The following KCNC4 variants were observed in gnomAD, a reference collection of about 807,000 sequenced individuals.
KCNC4 encodes the protein potassium voltage-gated channel subfamily C member 4, also known as voltage-gated potassium channel KCNC4.
A neutral mutation model predicts 42.8 loss-of-function variants in KCNC4; 23 were observed. That is an observed-to-expected ratio of 0.54 (90% CI 0.39 to 0.76). KCNC4 has a LOEUF of 0.76. Among genes scored for constraint, KCNC4 ranks in the 30% least tolerant of loss-of-function variants. The probability of loss-of-function intolerance (pLI) is 0.00; values close to 1 mark genes in which losing one functional copy is unlikely to be tolerated. For missense variants in KCNC4, 751 were observed against 898.2 expected (o/e 0.84, Z 2.10); for synonymous variants, 422 against 393.5 (o/e 1.07, Z -0.86).
At chr1:110,281,832 C>T (rs959777701) in intron 1 of KCNC4, among the ~76,000 whole-genome samples, 1 of 152,216 alleles carries the variant, frequency 6.6e-6, no homozygotes, top group Non-Finnish European at 1.5e-5. Flanking sequence ...TCACTCAGAA[C>T]CCAGCCAGCC....
chr1:110,229,456 C>T (rs904406843), intron 3 of KCNC4, among the ~76,000 whole-genome samples: 5 of 152,150 alleles, frequency 3.3e-5, no homozygotes, highest in African/African-American at 1.2e-4. Flanking sequence ...ACCTGGTGTC[C>T]CTTCTGCGCC....
Position 110,211,425 on chromosome 1 carries a change from G to T in KCNC4, c.-75G>T. 6.6e-7 allele frequency: 1 copy of T among 1,504,272 alleles called. No homozygotes were observed. 93.2% of individuals were successfully genotyped at this position (1,504,272 alleles called of 1,614,324 possible). A position where few individuals can be genotyped will look rare whatever the true frequency, so the allele number is the denominator to read the frequency against. On this transcript the variant is annotated 5_prime_UTR_variant, in exon 1 of 4. Coordinates refer to ENST00000438661, the MANE Select transcript of KCNC4 (RefSeq NM_001039574.3). This position sits in a 1 kb window ranked among gnomAD's most constrained non-coding sequence, Gnocchi z 6.5. ...CCTCTTCGTCTCCTCCCCCTCCCCC[G>T]TCTGACGCTGCCTCCTCGGGAAGGG...
chr1:110,226,918 C>A (rs1014657983), intron 3 of KCNC4, among the ~76,000 whole-genome samples: 1 of 152,172 alleles, frequency 6.6e-6, no homozygotes, highest in Non-Finnish European at 1.5e-5. Context: ...GCTAGGGATT[C>A]CTGGCCTCGG....
Position 110,223,062 on chromosome 1 carries a change from G to C in KCNC4, c.777G>C (p.Glu259Asp), listed in dbSNP as rs1404368604. 11 of 1,614,194 alleles carry C rather than the reference G, an allele frequency of 6.8e-6. No individual in the cohort carries two copies. Among genetic ancestry groups the C allele is most frequent in the Non-Finnish European group, 9.3e-6 (11 of 1,180,038 alleles). Reference sequence around the variant, plus strand: ...TTAATATCGACCGCAACGTGACAGAGATCCTCCGCGTAGGGAACATCACCA... The same window carrying C: ...TTAATATCGACCGCAACGTGACAGACATCCTCCGCGTAGGGAACATCACCA... ...EAFNIDRNVT[E>D]ILRVGNITSV... Residue 259 changes from glutamate to aspartate, a missense_variant, in exon 2 of 4, where the codon GAG becomes GAC. Physicochemically the swap from Glu to Asp is conservative, Grantham distance 45 (BLOSUM62 2). Coordinates refer to ENST00000438661, the MANE Select transcript of KCNC4 (RefSeq NM_001039574.3). The surrounding 1 kb of genome is among the most constrained non-coding windows in gnomAD (Gnocchi z 7.5).
chr1:110,238,680 G>A (rs2603591), downstream of KCNC4: 55,321 of 151,962 alleles, frequency 0.36, 10,218 homozygotes, highest in South Asian at 0.46. Context: ...ATGCCGAGCT[G>A]TGATCCCACC....
Position 110,210,753 on chromosome 1 carries a change from G to A in KCNC4, c.-747G>A, listed in dbSNP as rs1037509258. Among the ~76,000 whole-genome samples the A allele has an allele frequency of 2.6e-5, 4 of 151,560 alleles. No individual in the cohort carries two copies. The highest frequency in any genetic ancestry group is 2.9e-5 in the Non-Finnish European group (2 of 67,850). On this transcript the variant is annotated 5_prime_UTR_variant, in exon 1 of 4. Coordinates refer to ENST00000438661, the MANE Select transcript of KCNC4 (RefSeq NM_001039574.3). ...TCCGGCGCAGCTCCCAGCCGCGGACGCAGGACCCGAGGCTCGCTCCTGCGG... is the reference window on the plus strand; with the variant it reads ...TCCGGCGCAGCTCCCAGCCGCGGACACAGGACCCGAGGCTCGCTCCTGCGG...
Position 110,226,179 on chromosome 1 carries a change from G to T in KCNC4, c.1819+1G>T. ...TGCGCCGATGGTAGTGTCCGGAAAGGTATGGCTTCCCAAGCTGGACAGGTG... is the reference window on the plus strand; with the variant it reads ...TGCGCCGATGGTAGTGTCCGGAAAGTTATGGCTTCCCAAGCTGGACAGGTG... On this transcript the variant is annotated splice_donor_variant, in intron 3 of 3. Transcript: ENST00000438661. LOFTEE classifies it high-confidence loss of function. The T allele has an allele frequency of 6.2e-7, 1 of 1,614,034 alleles. No individual in the cohort carries two copies. Among genetic ancestry groups the T allele is most frequent in the Non-Finnish European group, 8.5e-7 (1 of 1,179,916 alleles).
At chr1:110,276,491 C>T (rs1280163092) in intron 1 of KCNC4, among the ~76,000 whole-genome samples, 1 of 151,946 alleles carries the variant, frequency 6.6e-6, no homozygotes, top group African/African-American at 2.4e-5. Context: ...CTCATGGGTA[C>T]CTGGACTTCT....
In KCNC4 at chr1:110,211,734, G is replaced by A. The variant is rs1657468679; in HGVS notation, c.235G>A (p.Gly79Ser). 1 of 1,608,996 alleles carries A rather than the reference G, an allele frequency of 6.2e-7. No individual in the cohort carries two copies. The highest frequency in any genetic ancestry group is 1.3e-5 in the African/African-American group (1 of 74,962). Reference sequence around the variant, plus strand: ...CGGGGGCCGGCCCGAGACCGATGGCGGCGGTGTGGGTAGCAGCGGCAGCAG... The same window carrying A: ...CGGGGGCCGGCCCGAGACCGATGGCAGCGGTGTGGGTAGCAGCGGCAGCAG... Reference protein sequence around the residue: ...DGGGRPETDGGGVGSSGSSGG... With the variant: ...DGGGRPETDGSGVGSSGSSGG... Residue 79 changes from glycine to serine, a missense_variant, in exon 1 of 4, where the codon GGC (glycine) becomes AGC (serine). Physicochemically the swap from Gly to Ser is moderately conservative, Grantham distance 56. Around this residue, in one of 4 missense-constraint regions of KCNC4, gnomAD observed 183 missense variants for 255.8 expected, o/e 0.72. Transcript: ENST00000438661. This position sits in a 1 kb window ranked among gnomAD's most constrained non-coding sequence, Gnocchi z 6.5.
Position 110,212,100 on chromosome 1 carries a change from G to A in KCNC4, c.601G>A (p.Gly201Arg), listed in dbSNP as rs1333603242. The change falls in exon 1 of 4, where the codon GGG (glycine) becomes AGG (arginine). Residue 201 changes from glycine to arginine, a missense_variant. Gly to Arg is a moderately radical substitution (Grantham distance 125). Around this residue, in one of 4 missense-constraint regions of KCNC4, gnomAD observed 181 missense variants for 167.3 expected, o/e 1.08. Coordinates refer to ENST00000438661, the MANE Select transcript of KCNC4 (RefSeq NM_001039574.3). ...CGAGGGAGGCGCGGGCCATGGCGCC[G>A]GGTCTGGGGGCTGCCGCGGCTGGCA... Reference protein sequence around the residue: ...PHEGGAGHGAGSGGCRGWQPR... With the variant: ...PHEGGAGHGARSGGCRGWQPR... 6.7e-7 allele frequency: 1 copy of A among 1,501,618 alleles called. No homozygotes were observed. Among genetic ancestry groups the A allele is most frequent in the Non-Finnish European group, 8.8e-7 (1 of 1,139,786 alleles). 93.0% of individuals were successfully genotyped at this position (1,501,618 alleles called of 1,614,324 possible). A position where few individuals can be genotyped will look rare whatever the true frequency, so the allele number is the denominator to read the frequency against.
At chr1:110,227,598 G>GC (rs1170371163) in intron 3 of KCNC4, among the ~76,000 whole-genome samples, 5 of 152,104 alleles carry the variant, frequency 3.3e-5, no homozygotes, top group African/African-American at 1.2e-4. Flanking sequence ...CTTCTCTCCC[G>GC]CCGACCATCC....
rs1049976447 is a variant in KCNC4 at position 110,269,627 on chromosome 1, A to C, written n.31-12907A>C. The stretch of plus-strand genomic sequence containing the variant: ...AACATTCATGTAGAATTTTTATGTG[A>C]ACATATGTTTTCATTTCTCCTGGTA... On this transcript the variant is annotated intron_variant and non_coding_transcript_variant, in intron 1 of 2. Coordinates refer to the KCNC4 transcript ENST00000412512. Among the ~76,000 whole-genome samples, 3 of 152,228 alleles carry C rather than the reference A, an allele frequency of 2.0e-5. No homozygotes were observed. The South Asian group carries it at 6.2e-4, about 31-fold the overall frequency.
At chr1:110,273,932 A>G (rs1463507669) in intron 1 of KCNC4, among the ~76,000 whole-genome samples, 1 of 152,204 alleles carries the variant, frequency 6.6e-6, no homozygotes, top group African/African-American at 2.4e-5. Context: ...CCAGGAACAT[A>G]AGGAGCTTCC....
chr1:110,257,720 CAAAAAAAAA>C (rs56333861), intron 1 of KCNC4, among the ~76,000 whole-genome samples: 1 of 91,010 alleles, frequency 1.1e-5, no homozygotes, highest in Non-Finnish European at 2.0e-5. Flanking sequence ...GACTCCGTCT[CAAAAAAAAA>C]AAAAAAAAAA....
At chr1:110,257,649 A>C (rs1183224098) in intron 1 of KCNC4, among the ~76,000 whole-genome samples, 3 of 148,960 alleles carry the variant, frequency 2.0e-5, no homozygotes, top group African/African-American at 7.4e-5. Context: ...TGAACCCAGA[A>C]GGTGGAGCTT....
Position 110,223,144 on chromosome 1 carries a change from G to C in KCNC4, c.859G>C (p.Val287Leu), listed in dbSNP as rs55807673. The change falls in exon 2 of 4, where the codon GTA (valine) becomes CTA (leucine). Residue 287 changes from valine (V) to leucine (L), a missense_variant. This residue lies in a region of KCNC4 where 181 missense variants were observed against 167.3 expected (regional missense o/e 1.08). Transcript: ENST00000438661. This position sits in a 1 kb window ranked among gnomAD's most constrained non-coding sequence, Gnocchi z 7.5. ...TEPILTYIEG[V>L]CVLWFTLEFL... ...GCCCATCCTGACCTACATCGAGGGC[G>C]TATGTGTGCTGTGGTTCACACTGGA... 1.9e-6 allele frequency: 3 copies of C among 1,614,096 alleles called. No homozygotes were observed. The highest frequency in any genetic ancestry group is 2.5e-6 in the Non-Finnish European group (3 of 1,180,048).
downstream of KCNC4, among the ~76,000 whole-genome samples, chr1:110,253,694 A>G (rs2101068780): frequency 6.6e-6 from 1 of 152,294 alleles, no homozygotes; most frequent in South Asian, 2.1e-4. Context: ...ACATGTTCCA[A>G]TCAGCTTATT....
chr1:110,225,010 T>G (rs1658309297), intron 2 of KCNC4: 1 of 152,222 alleles, frequency 6.6e-6, no homozygotes, highest in African/African-American at 2.4e-5. Context: ...CCGAAGGCCT[T>G]GATAGAAGAG....
chr1:110,219,496 GTA>G (rs1657978055), intron 1 of KCNC4, among the ~76,000 whole-genome samples: 1 of 152,220 alleles, frequency 6.6e-6, no homozygotes. Flanking sequence ...GGCTTCTAGT[GTA>G]GGGTTCCTTA....
Sources: allele counts gnomAD v4.1 joint callset (sites outside exome capture counted in the v4.1 genomes callset), GRCh38; gene constraint gnomAD v4.1.1; regional missense constraint gnomAD v4.1.1; non-coding constraint Gnocchi (gnomAD v3.1); transcripts MANE v1.5; gene names NCBI Gene and HGNC (gene_info 2026-07-23, HGNC 2026-07-21).